Variants in KCNG2 observed in about 807,000 individuals in gnomAD.
The protein encoded by KCNG2 is potassium voltage-gated channel modifier subfamily G member 2, also known as voltage-gated potassium channel regulatory subunit KCNG2.
In KCNG2, 7 loss-of-function variants were observed where a neutral mutation model predicts 12.3. That is an observed-to-expected ratio of 0.57 (90% confidence interval 0.32 to 1.07). The LOEUF (loss-of-function observed/expected upper bound fraction) is 1.07. Ranked by LOEUF, KCNG2 falls within the 50% of genes least tolerant of loss-of-function variation. The pLI, the probability that KCNG2 is intolerant of heterozygous loss-of-function variation, is 0.04. For missense variants in KCNG2, 703 were observed against 726.0 expected (o/e 0.97, Z 0.36); for synonymous variants, 414 against 351.4 (o/e 1.18, Z -1.99).
At chr18:79,874,974 A>G (rs138885482) in intron 3 of KCNG2, among the ~76,000 whole-genome samples, 304 of 152,250 alleles carry the variant, frequency 2.0e-3, no homozygotes, top group Non-Finnish European at 2.7e-3. Context: ...GAGGAGACTG[A>G]TGAGGCTCAG....
At chr18:79,866,949 C>A (rs1599409463) in intron 3 of KCNG2, among the ~76,000 whole-genome samples, 2 of 143,826 alleles carry the variant, frequency 1.4e-5, no homozygotes, top group African/African-American at 5.4e-5. Context: ...GCTGAGAGGT[C>A]TGTGTTCTCA....
rs1253847508 is a variant in KCNG2, at chr18:79,803,455, T to C, written c.-115+5441T>C. 6.6e-6 allele frequency among the ~76,000 whole-genome samples: 1 copy of C among 152,250 alleles called. No homozygotes were observed. The highest frequency in any genetic ancestry group is 2.4e-5 in the African/African-American group (1 of 41,466). On this transcript the variant is annotated intron_variant, in intron 1 of 3. Coordinates refer to ENST00000316249, the MANE Select transcript of KCNG2 (RefSeq NM_012283.2). This position sits in a 1 kb window ranked among gnomAD's most constrained non-coding sequence, Gnocchi z 4.5. ...TCTAGAAGAGGGAAGATAGGAAATA[T>C]GTATCATTGGCTTCTTTAATACTTG...
intron 3 of KCNG2, among the ~76,000 whole-genome samples, chr18:79,885,305 T>C (rs993766067): frequency 1.3e-5 from 2 of 152,244 alleles, no homozygotes; most frequent in Admixed American, 6.5e-5. Flanking sequence ...AGGCTGAACG[T>C]AGACTTTTTT....
intron 1 of KCNG2, among the ~76,000 whole-genome samples, chr18:79,841,873 G>C (rs975189431): frequency 6.6e-6 from 1 of 152,156 alleles, no homozygotes; most frequent in African/African-American, 2.4e-5. Flanking sequence ...AAAGGAAGGA[G>C]AGTTTCACAT....
At chr18:79,825,767 T>C (rs2087609388) in intron 1 of KCNG2, among the ~76,000 whole-genome samples, 1 of 152,244 alleles carries the variant, frequency 6.6e-6, no homozygotes, top group South Asian at 2.1e-4. Flanking sequence ...TTTATTCCTT[T>C]TTCCAGTTAC....
chr18:79,807,253 A>G (rs1263290512), intron 1 of KCNG2, among the ~76,000 whole-genome samples: 2 of 152,176 alleles, frequency 1.3e-5, no homozygotes, highest in Admixed American at 1.3e-4. Context: ...ATGTTTTTGC[A>G]TGAAAGTGAG....
intron 3 of KCNG2, among the ~76,000 whole-genome samples, chr18:79,894,215 TCACTC>T (rs1355982331): frequency 6.6e-6 from 1 of 152,180 alleles, no homozygotes; most frequent in African/African-American, 2.4e-5. Flanking sequence ...ATTGAGTTCT[TCACTC>T]CATTCACATC....
intron 1 of KCNG2, among the ~76,000 whole-genome samples, chr18:79,829,233 CTG>C (rs1978289528): frequency 6.9e-6 from 1 of 144,870 alleles, no homozygotes; most frequent in Admixed American, 6.8e-5. Flanking sequence ...TGTAACGTGT[CTG>C]TGTGTAATGT....
At chr18:79,872,685 A>C (rs1351077156) in intron 3 of KCNG2, among the ~76,000 whole-genome samples, 2 of 152,192 alleles carry the variant, frequency 1.3e-5, no homozygotes, top group African/African-American at 4.8e-5. Context: ...TCTGAGTGTG[A>C]CTGGCGCTCC....
At chr18:79,825,802 G>GA (rs1400586767) in intron 1 of KCNG2, among the ~76,000 whole-genome samples, 1 of 152,168 alleles carries the variant, frequency 6.6e-6, no homozygotes. Context: ...TCGTCTGGGG[G>GA]AAAATACAGA....
chr18:79,892,599 G>A (rs1390277798), intron 3 of KCNG2, among the ~76,000 whole-genome samples: 2 of 151,910 alleles, frequency 1.3e-5, no homozygotes, highest in African/African-American at 4.8e-5. Flanking sequence ...AATTGATATA[G>A]TTGGGTCTGT....
intron 1 of KCNG2, among the ~76,000 whole-genome samples, chr18:79,828,111 G>A (rs1487244049): frequency 6.6e-6 from 1 of 152,110 alleles, no homozygotes; most frequent in Non-Finnish European, 1.5e-5. Context: ...CTTTTGTAGA[G>A]ATGGTGTTTC....
intron 1 of KCNG2, among the ~76,000 whole-genome samples, chr18:79,817,851 C>G (rs1015206261): frequency 6.6e-6 from 1 of 152,214 alleles, no homozygotes; most frequent in African/African-American, 2.4e-5. Context: ...GAGGACCCCT[C>G]TCTCATTCCT....
At chr18:79,845,681 C>G (rs1159014484) in intron 1 of KCNG2, among the ~76,000 whole-genome samples, 2 of 152,206 alleles carry the variant, frequency 1.3e-5, no homozygotes, top group African/African-American at 4.8e-5. Flanking sequence ...AGCAAGTTCT[C>G]TTCTGAACAG....
chr18:79,875,533 C>T (rs1408526197), intron 3 of KCNG2, among the ~76,000 whole-genome samples: 1 of 152,226 alleles, frequency 6.6e-6, no homozygotes, highest in Non-Finnish European at 1.5e-5. Context: ...CTCCTGTCGG[C>T]CTTTGTTATG....
intron 1 of KCNG2, among the ~76,000 whole-genome samples, chr18:79,828,247 C>T (rs1978287647): frequency 6.6e-6 from 1 of 152,244 alleles, no homozygotes; most frequent in South Asian, 2.1e-4. Flanking sequence ...AACTCTTAGA[C>T]ATACAGACAT....
At position 79,803,102 on chromosome 18, in the gene KCNG2, C is replaced by T. The variant is rs1288084092; in HGVS notation, c.-115+5088C>T. Among the ~76,000 whole-genome samples the T allele has an allele frequency of 2.0e-5, 3 of 152,126 alleles. No individual in the cohort carries two copies. Among genetic ancestry groups the T allele is most frequent in the African/African-American group, 4.8e-5 (2 of 41,430 alleles). On this transcript the variant is annotated intron_variant, in intron 1 of 3. Transcript: ENST00000316249. This position sits in a 1 kb window ranked among gnomAD's most constrained non-coding sequence, Gnocchi z 4.5. Reference sequence around the variant, plus strand: ...CTGAGGCAGGAGAATCGCTTGAACCCGGAAGGCGGAGCTTGCAGTGAGCCG... The same window carrying T: ...CTGAGGCAGGAGAATCGCTTGAACCTGGAAGGCGGAGCTTGCAGTGAGCCG...
intron 1 of KCNG2, among the ~76,000 whole-genome samples, chr18:79,813,788 A>G (rs1300673995): frequency 6.6e-6 from 1 of 152,256 alleles, no homozygotes; most frequent in African/African-American, 2.4e-5. Context: ...GCCCTGCAAA[A>G]GACATTTTAA....
At chr18:79,801,505 G>C (rs1462552384) in intron 1 of KCNG2, among the ~76,000 whole-genome samples, 1 of 152,252 alleles carries the variant, frequency 6.6e-6, no homozygotes, top group Non-Finnish European at 1.5e-5. Flanking sequence ...GGACGCACAT[G>C]CTGGGCCCGG....
Sources: gnomAD v4.1 joint callset for allele counts (sites outside exome capture counted in the v4.1 genomes callset) on GRCh38, gnomAD v4.1.1 for gene constraint, Gnocchi (gnomAD v3.1) non-coding constraint, MANE v1.5 for transcripts, NCBI Gene and HGNC (gene_info 2026-07-23, HGNC 2026-07-21) for gene names.